MAP1LC3A: variants seen among roughly 807,000 people sequenced by gnomAD.
The protein encoded by MAP1LC3A is microtubule associated protein 1 light chain 3 alpha, also known as microtubule-associated protein 1 light chain 3 alpha.
In MAP1LC3A, 10 loss-of-function variants were observed where a neutral mutation model predicts 15.2. The ratio of observed to expected loss-of-function variants is 0.66; its 90% CI spans 0.41 to 1.12. MAP1LC3A has a LOEUF of 1.12. Among genes scored for constraint, MAP1LC3A ranks in the 50% most tolerant of loss-of-function variants. MAP1LC3A has a pLI of 0.00. For synonymous variants in MAP1LC3A, 63 were observed against 64.3 expected (o/e 0.98, Z 0.10); for missense variants, 138 against 167.3 (o/e 0.82, Z 0.97).
intron 1 of MAP1LC3A, among the ~76,000 whole-genome samples, chr20:34,547,417 CTTTTTTT>C (rs935450076): frequency 3.3e-5 from 4 of 121,088 alleles, no homozygotes; most frequent in African/African-American, 1.3e-4. Context: ...CGCTCCCCAC[CTTTTTTT>C]TTTTTTTTTT....
At position 34,558,763 on chromosome 20, in the gene MAP1LC3A, C is replaced by A; in HGVS notation, c.-106C>A. 6.0e-6 allele frequency: 8 copies of A among 1,337,556 alleles called. No individual in the cohort carries two copies. The highest frequency in any genetic ancestry group is 6.7e-6 in the Non-Finnish European group (7 of 1,052,230). The allele number at this position is 1,337,556 out of a possible 1,614,324, so 82.9% of individuals were successfully genotyped here. ...CCGCAGCCGCCGTGCTCAGCGCGAG[C>A]CCCGGAGCCCTTGAGCGCGAGGCGC... is the stretch of plus-strand genomic sequence containing the variant. On this transcript the variant is annotated 5_prime_UTR_variant, in exon 1 of 4. Transcript: ENST00000360668. This position sits in a 1 kb window ranked among gnomAD's most constrained non-coding sequence, Gnocchi z 4.3.
At chr20:34,549,401 G>A (rs182003382) in intron 1 of MAP1LC3A, among the ~76,000 whole-genome samples, 1 of 152,236 alleles carries the variant, frequency 6.6e-6, no homozygotes, top group Non-Finnish European at 1.5e-5. Flanking sequence ...TTCAGCCCAC[G>A]TGTCCTCCCG....
upstream of MAP1LC3A, among the ~76,000 whole-genome samples, chr20:34,555,144 C>CTTTTTTTTTTTTTT: frequency 7.1e-6 from 1 of 141,522 alleles, no homozygotes; most frequent in African/African-American, 2.5e-5. Flanking sequence ...AGCGAATTTT[C>CTTTTTTTTTTTTTT]TTATTTTTTT....
chr20:34,552,073 C>G (rs1374576859), intron 2 of MAP1LC3A, among the ~76,000 whole-genome samples: 1 of 152,162 alleles, frequency 6.6e-6, no homozygotes, highest in East Asian at 1.9e-4. Context: ...TCTCGGCTCA[C>G]TGCAATCTCC....
intron 1 of MAP1LC3A, 59 bp from the exon 2 acceptor site, chr20:34,559,149 C>G: frequency 6.9e-7 from 1 of 1,459,814 alleles, no homozygotes. Context: ...CCCTCCGGGA[C>G]AGGCGGGGCG....
intron 1 of MAP1LC3A, among the ~76,000 whole-genome samples, chr20:34,548,148 G>A (rs947299936): frequency 1.3e-5 from 2 of 152,184 alleles, no homozygotes; most frequent in Non-Finnish European, 2.9e-5. Context: ...GGGAGGGGGC[G>A]ATTAGCTAGA....
upstream of MAP1LC3A, chr20:34,558,523 GGGAGAAGC>G: frequency 1.8e-6 from 2 of 1,088,524 alleles, no homozygotes; most frequent in Non-Finnish European, 2.2e-6. The surrounding 1 kb of genome is among the most constrained non-coding windows in gnomAD (Gnocchi z 4.3). Flanking sequence ...TTCGGGCTGC[GGGAGAAGC>G]TCCCGCGCTG....
At chr20:34,557,476 C>T (rs1263222335), upstream of MAP1LC3A, among the ~76,000 whole-genome samples, 1 of 152,164 alleles carries the variant, frequency 6.6e-6, no homozygotes, top group African/African-American at 2.4e-5. Context: ...GTGTCTCATG[C>T]ATCTTGTTTC....
upstream of MAP1LC3A, among the ~76,000 whole-genome samples, chr20:34,557,920 T>C (rs1982219353): frequency 6.6e-6 from 1 of 151,338 alleles, no homozygotes; most frequent in Non-Finnish European, 1.5e-5. Flanking sequence ...AGAACGAGAC[T>C]TCGTCCCCCT....
intron 1 of MAP1LC3A, among the ~76,000 whole-genome samples, chr20:34,547,920 T>C (rs1981800360): frequency 6.6e-6 from 1 of 152,056 alleles, no homozygotes; most frequent in Non-Finnish European, 1.5e-5. Context: ...TGGAAGGGGC[T>C]GATTGTTCAG....
In MAP1LC3A at chr20:34,558,913, G is replaced by T; in HGVS notation, c.40+5G>T. The T allele has an allele frequency of 7.2e-7, 1 of 1,397,260 alleles. No individual in the cohort carries two copies. Among genetic ancestry groups the T allele is most frequent in the Non-Finnish European group, 9.3e-7 (1 of 1,079,536 alleles). The allele number at this position is 1,397,260 out of a possible 1,614,324, so 86.6% of individuals were successfully genotyped here. ...TCAAGCAGCGGCGGAGCTTCGGTGA[G>T]GCCCGGCAGGCGAGCTGCGAGCTCT... On this transcript the variant is annotated splice_donor_5th_base_variant and intron_variant, in intron 1 of 3. Coordinates refer to ENST00000360668, the MANE Select transcript of MAP1LC3A (RefSeq NM_032514.4). This position sits in a 1 kb window ranked among gnomAD's most constrained non-coding sequence, Gnocchi z 4.3.
Position 34,559,841 on chromosome 20 carries a change from A to G in MAP1LC3A, c.309A>G (p.Lys103=), listed in dbSNP as rs1677795653. The G allele has an allele frequency of 1.2e-6, 2 of 1,613,922 alleles. No homozygotes were observed. Among genetic ancestry groups the G allele is most frequent in the African/African-American group, 1.3e-5 (1 of 74,932 alleles). ...TCGCGGACATCTACGAGCAGGAGAA[A>G]GACGAGGACGGCTTCCTCTATATGG... The part of the protein sequence containing the change: ...TPIADIYEQE[K]DEDGFLYMVY... The change falls in exon 4 of 4, where the codon AAA becomes AAG. Residue 103 remains lysine (K), a synonymous_variant. Transcript: ENST00000360668.
In MAP1LC3A at chr20:34,560,071, C is replaced by G; in HGVS notation, c.*173C>G. On this transcript the variant is annotated 3_prime_UTR_variant, in exon 4 of 4. Coordinates refer to ENST00000360668, the MANE Select transcript of MAP1LC3A (RefSeq NM_032514.4). The stretch of plus-strand genomic sequence containing the variant: ...CTCTGCCCCTGGGTGGATCCTGGGC[C>G]GGTCGTGTTAGGGTTGTCCCTCTGG... 22 of 389,562 alleles carry G rather than the reference C, an allele frequency of 5.6e-5. No homozygotes were observed. The highest frequency in any genetic ancestry group is 1.6e-4 in the East Asian group (2 of 12,380). The allele number at this position is 389,562 out of a possible 1,614,324, so 24.1% of individuals were successfully genotyped here.
chr20:34,548,443 C>T (rs535009062), intron 1 of MAP1LC3A, among the ~76,000 whole-genome samples: 1 of 152,284 alleles, frequency 6.6e-6, no homozygotes, highest in African/African-American at 2.4e-5. Flanking sequence ...CCCTCTCACT[C>T]AGGGAGGTGG....
intron 3 of MAP1LC3A, 115 bp from the exon 4 acceptor site, chr20:34,559,621 G>T (rs1029741213): frequency 5.4e-6 from 7 of 1,306,832 alleles, no homozygotes; most frequent in Non-Finnish European, 7.5e-6. Flanking sequence ...TTGGGTCAGA[G>T]GTGACAGCTG....
At chr20:34,547,447 GAC>G (rs1328896488) in intron 1 of MAP1LC3A, among the ~76,000 whole-genome samples, 1 of 130,410 alleles carries the variant, frequency 7.7e-6, no homozygotes, top group East Asian at 2.3e-4. Context: ...TTTAAATAGA[GAC>G]AGGGTCTGGT....
intron 3 of MAP1LC3A, 118 bp downstream of exon 3, chr20:34,559,571 G>C (rs956979586): frequency 6.4e-6 from 8 of 1,242,388 alleles, no homozygotes; most frequent in African/African-American, 3.0e-5. Flanking sequence ...CCCCTGTTCT[G>C]GGGTGGCTGG....
At chr20:34,557,551 T>C (rs1250174920), upstream of MAP1LC3A, among the ~76,000 whole-genome samples, 3 of 152,222 alleles carry the variant, frequency 2.0e-5, no homozygotes. Flanking sequence ...GATTCACATG[T>C]TTACCAATTT....
chr20:34,559,633 GGTGAGAATGGGT>G (rs1982352103), intron 3 of MAP1LC3A, 91 bp from the exon 4 acceptor site: 1 of 1,336,088 alleles, frequency 7.5e-7, no homozygotes, highest in African/African-American at 1.5e-5. Context: ...TGACAGCTGG[GGTGAGAATGGGT>G]GTGAAAGGCT....
Sources: gnomAD v4.1 joint callset for allele counts (sites outside exome capture counted in the v4.1 genomes callset) on GRCh38, gnomAD v4.1.1 for gene constraint, Gnocchi (gnomAD v3.1) non-coding constraint, MANE v1.5 for transcripts, NCBI Gene and HGNC (gene_info 2026-07-23, HGNC 2026-07-21) for gene names.